POGLUT3: variants seen among roughly 807,000 people sequenced by gnomAD.
The protein encoded by POGLUT3 is KDEL (Lys-Asp-Glu-Leu) containing 2.
A neutral mutation model predicts 54.3 loss-of-function variants in POGLUT3; 48 were observed. That is an observed-to-expected ratio of 0.88 (90% CI 0.70 to 1.12). The LOEUF is 1.12. POGLUT3 is among the 50% of genes most tolerant of loss of function. POGLUT3 has a pLI of 0.00. For synonymous variants in POGLUT3, 218 were observed against 237.4 expected (o/e 0.92, Z 0.75); for missense variants, 629 against 618.7 (o/e 1.02, Z -0.18).
chr11:108,484,796 A>G (rs532198118), intron 3 of POGLUT3, among the ~76,000 whole-genome samples: 58 of 152,220 alleles, frequency 3.8e-4, no homozygotes, highest in Non-Finnish European at 7.6e-4. Context: ...AACTCCCTTT[A>G]TGGTCTCTCT....
chr11:108,497,806 G>T (rs573194675), intron 1 of POGLUT3, among the ~76,000 whole-genome samples: 5 of 152,270 alleles, frequency 3.3e-5, no homozygotes, highest in Admixed American at 3.3e-4. Flanking sequence ...CTCACCACTG[G>T]AAAGCGCTCC....
intron 2 of POGLUT3, chr11:108,486,789 A>G (rs921089427): frequency 4.3e-5 from 9 of 208,932 alleles, no homozygotes; most frequent in Non-Finnish European, 7.8e-5. Flanking sequence ...TATGTAAACC[A>G]AAAATAAAAT....
In POGLUT3 at chr11:108,479,249, A is replaced by T; in HGVS notation, c.1293+52T>A. The T allele has an allele frequency of 4.7e-6, 6 of 1,264,006 alleles. No individual in the cohort carries two copies. The East Asian group carries it at 1.2e-4, about 25-fold the overall frequency. The allele number at this position is 1,264,006 out of a possible 1,614,324, so 78.3% of individuals were successfully genotyped here. A position where few individuals can be genotyped will look rare whatever the true frequency, so the allele number is the denominator to read the frequency against. ...ATTGTATTGTGATGGAACTCATCTA[A>T]CACTGATGAATTTGTTATTGCTTAA... On this transcript the variant is annotated intron_variant, in intron 6 of 7. Transcript: ENST00000323468.
chr11:108,495,323 ACC>A (rs1374956745), intron 1 of POGLUT3, among the ~76,000 whole-genome samples: 2 of 152,086 alleles, frequency 1.3e-5, no homozygotes, highest in Non-Finnish European at 2.9e-5. Flanking sequence ...GCTGTGCACT[ACC>A]ACGCCTGGCT....
At chr11:108,476,049 G>C (rs553677202) in intron 7 of POGLUT3, among the ~76,000 whole-genome samples, 234 of 152,218 alleles carry the variant, frequency 1.5e-3, no homozygotes, top group Middle Eastern at 0.014. Context: ...TGAGGTGGGA[G>C]GGGGGAAGAA....
intron 1 of POGLUT3, chr11:108,491,525 G>T: frequency 3.5e-6 from 1 of 289,552 alleles, no homozygotes; most frequent in Non-Finnish European, 6.4e-6. Flanking sequence ...ACCATGCCCA[G>T]CTAATTTTTG....
At chr11:108,476,670 TC>T (rs574243960) in intron 7 of POGLUT3, among the ~76,000 whole-genome samples, 33 of 152,348 alleles carry the variant, frequency 2.2e-4, no homozygotes, top group African/African-American at 7.7e-4. Flanking sequence ...CTTTTTTTAT[TC>T]TTCCTGTCTA....
chr11:108,479,004 A>C (rs558538151), intron 6 of POGLUT3, among the ~76,000 whole-genome samples: 2 of 152,238 alleles, frequency 1.3e-5, no homozygotes, highest in African/African-American at 4.8e-5. Context: ...CTGGTCTTTC[A>C]GTCAGTAATT....
chr11:108,475,658 G>A (rs2093580370), intron 7 of POGLUT3, among the ~76,000 whole-genome samples: 1 of 151,188 alleles, frequency 6.6e-6, no homozygotes, highest in Non-Finnish European at 1.5e-5. Context: ...TTGTAGAGAT[G>A]GCGTTTCACC....
intron 7 of POGLUT3, among the ~76,000 whole-genome samples, chr11:108,476,385 G>A (rs1359535191): frequency 6.6e-6 from 1 of 151,844 alleles, no homozygotes; most frequent in African/African-American, 2.4e-5. Context: ...CACCCTCCTC[G>A]ACCTCCCAAA....
chr11:108,486,113 A>G (rs745832588), intron 3 of POGLUT3, 44 bp downstream of exon 3: 13 of 1,408,228 alleles, frequency 9.2e-6, no homozygotes, highest in Non-Finnish European at 1.3e-5. Context: ...TAAATGTTAT[A>G]CCTAAATAAT....
intron 7 of POGLUT3, among the ~76,000 whole-genome samples, chr11:108,475,463 G>GTTTTTTTTTTTTTTTTTT (rs367899085): frequency 9.1e-6 from 1 of 109,926 alleles, no homozygotes. Flanking sequence ...AGTTTTTTTT[G>GTTTTTTTTTTTTTTTTTT]TTTTTGTTTT....
chr11:108,477,205 C>A (rs1357840463), intron 7 of POGLUT3, among the ~76,000 whole-genome samples: 1 of 152,120 alleles, frequency 6.6e-6, no homozygotes, highest in Non-Finnish European at 1.5e-5. Flanking sequence ...AGTTCAAGAC[C>A]AGCCTGGCCA....
At chr11:108,485,617 G>A (rs2093601695) in intron 3 of POGLUT3, among the ~76,000 whole-genome samples, 1 of 150,882 alleles carries the variant, frequency 6.6e-6, no homozygotes, top group Non-Finnish European at 1.5e-5. Context: ...TGGGATGGGG[G>A]CTCAGCCACT....
chr11:108,493,394 CAG>C (rs1378822532), intron 1 of POGLUT3, among the ~76,000 whole-genome samples: 1 of 152,060 alleles, frequency 6.6e-6, no homozygotes, highest in East Asian at 1.9e-4. Flanking sequence ...AGGACTGAAA[CAG>C]AAATAAGAAT....
At chr11:108,478,918 C>T (rs981588042) in intron 6 of POGLUT3, among the ~76,000 whole-genome samples, 1 of 152,184 alleles carries the variant, frequency 6.6e-6, no homozygotes, top group Non-Finnish European at 1.5e-5. Flanking sequence ...GAATTTGTGC[C>T]TTTTTTCTAA....
rs959002477 is a variant in POGLUT3 at position 108,491,277 on chromosome 11, G to C, written c.203-110C>G. ...ATATGTTGCTTTTTCCTGCAGCATT[G>C]GTGGTTAAAAAAAAATCATTTCCTT... On this transcript the variant is annotated intron_variant, in intron 1 of 7. Transcript: ENST00000323468. 35 of 826,936 alleles carry C rather than the reference G, an allele frequency of 4.2e-5. No homozygotes were observed. The East Asian group carries it at 8.0e-4, about 19-fold the overall frequency. 51.2% of individuals were successfully genotyped at this position (826,936 alleles called of 1,614,324 possible).
At chr11:108,477,572 C>G in intron 7 of POGLUT3, 35 bp downstream of exon 7, 3 of 1,348,406 alleles carry the variant, frequency 2.2e-6, no homozygotes, top group Non-Finnish European at 3.2e-6. Flanking sequence ...TGAGGACACC[C>G]GACCCAGCAG....
At chr11:108,497,723 T>C (rs2093624604) in intron 1 of POGLUT3, among the ~76,000 whole-genome samples, 3 of 152,238 alleles carry the variant, frequency 2.0e-5, no homozygotes, top group Admixed American at 1.3e-4. Context: ...ACATTTCCTC[T>C]GCGTAGGATT....
Sources: gnomAD v4.1 joint callset for allele counts (sites outside exome capture counted in the v4.1 genomes callset) on GRCh38, gnomAD v4.1.1 for gene constraint, MANE v1.5 for transcripts, NCBI Gene and HGNC (gene_info 2026-07-23, HGNC 2026-07-21) for gene names.